Variants in PXDN observed in about 807,000 individuals in gnomAD.
PXDN encodes the protein peroxidasin homolog.
A neutral mutation model predicts 140.3 loss-of-function variants in PXDN; 77 were observed. The observed-to-expected ratio is 0.55, with a 90% CI of 0.46 to 0.66. The LOEUF (loss-of-function observed/expected upper bound fraction) is 0.66. PXDN is among the 30% of genes least tolerant of loss of function. The pLI, the probability that PXDN is intolerant of heterozygous loss-of-function variation, is 0.00. For synonymous variants in PXDN, 911 were observed against 857.4 expected (o/e 1.06, Z -1.09); for missense variants, 1,838 against 2,039.5 (o/e 0.90, Z 1.90).
chr2:1,690,480 C>T (rs1419886175), intron 3 of PXDN, among the ~76,000 whole-genome samples: 1 of 152,036 alleles, frequency 6.6e-6, no homozygotes, highest in East Asian at 1.9e-4. Flanking sequence ...CTAAGTTGCT[C>T]TTAATAATTC....
intron 14 of PXDN, among the ~76,000 whole-genome samples, chr2:1,655,081 C>A (rs1168628013): frequency 1.3e-5 from 2 of 151,084 alleles, no homozygotes; most frequent in South Asian, 2.1e-4. Flanking sequence ...ACACACACCA[C>A]CTACATAGAA....
At chr2:1,698,363 C>A (rs769073930) in intron 1 of PXDN, among the ~76,000 whole-genome samples, 1 of 152,088 alleles carries the variant, frequency 6.6e-6, no homozygotes, top group Non-Finnish European at 1.5e-5. Flanking sequence ...ATACAGGGAA[C>A]CCTCGAGAGC....
intron 2 of PXDN, chr2:1,692,558 G>A (rs970876511): frequency 7.4e-5 from 35 of 471,860 alleles, no homozygotes; most frequent in African/African-American, 3.0e-4. Context: ...GTGCAGAAGG[G>A]AACCAGCTTC....
rs150123684 is a variant in PXDN at position 1,634,783 on chromosome 2, C to T, written c.4321-460G>A. On this transcript the variant is annotated intron_variant, in intron 22 of 22. Transcript: ENST00000252804. ...CCTGACCAGCTCAGGGACACTGATG[C>T]GCGTCCTCTCCCAATGGCCATGGCA... 5.1e-4 allele frequency among the ~76,000 whole-genome samples: 78 copies of T among 152,308 alleles called. 1 individual carries two copies. The East Asian group carries it at 0.014, about 28-fold the overall frequency.
At chr2:1,736,717 A>C (rs1218855180) in intron 1 of PXDN, among the ~76,000 whole-genome samples, 2 of 152,128 alleles carry the variant, frequency 1.3e-5, no homozygotes, top group African/African-American at 4.8e-5. Flanking sequence ...ACGTGCCTAT[A>C]GTCCCAGCTA....
At chr2:1,674,161 G>C (rs1683641929) in intron 8 of PXDN, among the ~76,000 whole-genome samples, 1 of 152,168 alleles carries the variant, frequency 6.6e-6, no homozygotes, top group African/African-American at 2.4e-5. Context: ...AACTAAAAAG[G>C]GTAGAAACAT....
chr2:1,691,824 T>C, intron 3 of PXDN, 104 bp downstream of exon 3: 1 of 709,198 alleles, frequency 1.4e-6, no homozygotes, highest in Non-Finnish European at 2.3e-6. Flanking sequence ...CTCATTTAAA[T>C]GAATATATTT....
intron 22 of PXDN, among the ~76,000 whole-genome samples, 198 bp downstream of exon 22, chr2:1,635,210 G>A (rs1003697774): frequency 5.3e-5 from 8 of 152,120 alleles, no homozygotes; most frequent in Non-Finnish European, 1.0e-4. Flanking sequence ...GAGGTTCTGG[G>A]CCTCCTAGCA....
chr2:1,731,668 G>C (rs1685317393), intron 1 of PXDN, among the ~76,000 whole-genome samples: 1 of 152,212 alleles, frequency 6.6e-6, no homozygotes, highest in Non-Finnish European at 1.5e-5. Flanking sequence ...AATGGAGACA[G>C]ATCGGCCTGA....
intron 8 of PXDN, among the ~76,000 whole-genome samples, chr2:1,675,912 G>C (rs1178252475): frequency 6.6e-6 from 1 of 152,196 alleles, no homozygotes; most frequent in Non-Finnish European, 1.5e-5. Context: ...GCGCAGGAGT[G>C]CTGGGGCTGG....
rs566855148 is a variant in PXDN at position 1,744,103 on chromosome 2, C to A, written c.200+153G>T. ...GCCCAGGTCCCCCCACGTCCCCCTT[C>A]GGAGGTTCCCTTCTGCGTCCCAAGT... On this transcript the variant is annotated intron_variant, in intron 1 of 22. Transcript: ENST00000252804. Among the ~76,000 whole-genome samples, 13 of 151,558 alleles carry A rather than the reference C, an allele frequency of 8.6e-5. No homozygotes were observed. In the South Asian group the frequency reaches 2.5e-3, roughly 29 times the overall value.
At chr2:1,741,417 G>A (rs147156328) in intron 1 of PXDN, among the ~76,000 whole-genome samples, 6,577 of 152,154 alleles carry the variant, frequency 0.043, 156 homozygotes, top group Non-Finnish European at 0.052. Flanking sequence ...ACCGCCGACC[G>A]AGCAGCACAG....
chr2:1,648,443 C>T lies in PXDN; in HGVS notation c.3337G>A (p.Gly1113Ser), dbSNP rs1366824154. ...FSPFRIVNEGGIDPLLRGLFG... is the reference protein window; with the variant it reads ...FSPFRIVNEGSIDPLLRGLFG... ...AGCCCCCTGAGAAGCGGATCGATGC[C>T]GCCCTCATTCACAATCCGGAAGGGA... Residue 1113 changes from glycine to serine, a missense_variant, in exon 17 of 23, where the codon GGC becomes AGC. Around this residue, in one of 5 missense-constraint regions of PXDN, gnomAD observed 850 missense variants for 894.1 expected, o/e 0.95. Transcript: ENST00000252804. This position sits in a 1 kb window ranked among gnomAD's most constrained non-coding sequence, Gnocchi z 8.9. The T allele has an allele frequency of 6.2e-6, 10 of 1,610,452 alleles. No individual in the cohort carries two copies. The highest frequency in any genetic ancestry group is 1.7e-5 in the Admixed American group (1 of 59,994).
rs900866116 is a variant in PXDN, at chr2:1,636,022, A to G, written c.4207-501T>C. 7.7e-4 allele frequency: 193 copies of G among 251,268 alleles called. 3 individuals are homozygous for G. Among genetic ancestry groups the G allele is most frequent in the Middle Eastern group, 4.5e-3 (3 of 670 alleles). The allele number at this position is 251,268 out of a possible 1,614,324, so 15.6% of individuals were successfully genotyped here. ...TCTCCTTCCTCAAACCCTCTCTTGCATCTTGCAGGGCCGGGGGGCAGACAG... is the reference window on the plus strand; with the variant it reads ...TCTCCTTCCTCAAACCCTCTCTTGCGTCTTGCAGGGCCGGGGGGCAGACAG... On this transcript the variant is annotated intron_variant, in intron 21 of 22. Transcript: ENST00000252804.
chr2:1,650,589 C>T (rs935965021), intron 16 of PXDN, among the ~76,000 whole-genome samples: 1 of 152,290 alleles, frequency 6.6e-6, no homozygotes, highest in African/African-American at 2.4e-5. Context: ...TCTCTGTGTT[C>T]GCCAAAGTGC....
At chr2:1,643,237 A>G (rs2125406637) in intron 19 of PXDN, 131 bp downstream of exon 19, 3 of 988,098 alleles carry the variant, frequency 3.0e-6, no homozygotes, top group African/African-American at 3.2e-5. Context: ...AGCACGATTT[A>G]AATCTAAAGC....
At chr2:1,682,715 G>A (rs557288255) in intron 6 of PXDN, among the ~76,000 whole-genome samples, 10 of 152,136 alleles carry the variant, frequency 6.6e-5, no homozygotes, top group South Asian at 2.1e-4. Context: ...CAAGAAGGGC[G>A]GATCACCTGA....
intron 4 of PXDN, 130 bp from the exon 5 acceptor site, chr2:1,684,281 A>G (rs1255003059): frequency 1.4e-6 from 1 of 697,946 alleles, no homozygotes; most frequent in East Asian, 2.7e-5. Context: ...TAGACTTCCT[A>G]CATTGTATGA....
At chr2:1,726,740 C>A (rs1238101360) in intron 1 of PXDN, among the ~76,000 whole-genome samples, 1 of 152,152 alleles carries the variant, frequency 6.6e-6, no homozygotes, top group Non-Finnish European at 1.5e-5. Context: ...ATCTCCCAAC[C>A]TATAGGGTGC....
Sources: gnomAD v4.1 joint callset for allele counts (sites outside exome capture counted in the v4.1 genomes callset) on GRCh38, gnomAD v4.1.1 for gene constraint, gnomAD v4.1.1 regional missense constraint, Gnocchi (gnomAD v3.1) non-coding constraint, MANE v1.5 for transcripts, NCBI Gene and HGNC (gene_info 2026-07-23, HGNC 2026-07-21) for gene names.